ANKS1B: variants seen among roughly 807,000 people sequenced by gnomAD.
ANKS1B encodes ankyrin repeat and sterile alpha motif domain containing 1B, also known as ankyrin repeat and sterile alpha motif domain-containing protein 1B.
In ANKS1B, 36 loss-of-function variants were observed where a neutral mutation model predicts 148.3. The ratio of observed to expected loss-of-function variants is 0.24; its 90% CI spans 0.19 to 0.32. The LOEUF is 0.32. Ranked by LOEUF, ANKS1B falls within the 10% of genes least tolerant of loss-of-function variation. The pLI is 1.00. For missense variants in ANKS1B, 1,157 were observed against 1,542.6 expected, an observed-to-expected ratio of 0.75 and a Z score of 4.19; for synonymous variants, 542 against 560.8, an observed-to-expected ratio of 0.97 and a Z score of 0.47.
At chr12:99,670,959 A>G (rs1440528390) in intron 8 of ANKS1B, among the ~76,000 whole-genome samples, 1 of 152,194 alleles carries the variant, frequency 6.6e-6, no homozygotes, top group Non-Finnish European at 1.5e-5. Flanking sequence ...CAAGTTCAAC[A>G]TTAGTCAAGG....
intron 9 of ANKS1B, among the ~76,000 whole-genome samples, chr12:99,628,728 C>T (rs994175560): frequency 6.6e-6 from 1 of 152,102 alleles, no homozygotes; most frequent in Admixed American, 6.6e-5. Flanking sequence ...TTGTGAGGGC[C>T]TTCTTGCTGT....
At chr12:99,243,433 C>A (rs1338595204) in intron 14 of ANKS1B, among the ~76,000 whole-genome samples, 1 of 152,084 alleles carries the variant, frequency 6.6e-6, no homozygotes, top group Non-Finnish European at 1.5e-5. Flanking sequence ...TTTGTGGGAG[C>A]ATAAATTAGT....
At chr12:98,855,297 T>C (rs1168557285) in intron 17 of ANKS1B, among the ~76,000 whole-genome samples, 1 of 152,228 alleles carries the variant, frequency 6.6e-6, no homozygotes, top group East Asian at 1.9e-4. Flanking sequence ...ATCCTGGCTA[T>C]GCCTGTCAAG....
At chr12:99,620,029 T>C (rs1257609612) in intron 9 of ANKS1B, among the ~76,000 whole-genome samples, 1 of 152,110 alleles carries the variant, frequency 6.6e-6, no homozygotes, top group Admixed American at 6.6e-5. Context: ...CCAGCTACGG[T>C]GGCCTCAGCT....
chr12:98,880,938 C>T (rs912707132), intron 17 of ANKS1B, among the ~76,000 whole-genome samples: 2 of 151,790 alleles, frequency 1.3e-5, no homozygotes, highest in African/African-American at 4.8e-5. Flanking sequence ...TTCTAAATTA[C>T]AAACCGAAAA....
intron 17 of ANKS1B, among the ~76,000 whole-genome samples, chr12:98,948,576 G>C (rs913949823): frequency 6.6e-6 from 1 of 152,154 alleles, no homozygotes; most frequent in Admixed American, 6.5e-5. Context: ...AATTTATGCT[G>C]ATTAACCAAC....
At chr12:99,327,955 G>A (rs1248984083) in intron 12 of ANKS1B, among the ~76,000 whole-genome samples, 1 of 151,624 alleles carries the variant, frequency 6.6e-6, no homozygotes, top group South Asian at 2.1e-4. Flanking sequence ...TGTGTGGTGA[G>A]GCTCCTCCTG....
rs2098609838 is a variant in ANKS1B, at chr12:98,773,024, A to G, written c.3579+18T>C. ...TTCTGCAAAGTCTTTAATCTGTTGAAAGGGGGTGGGTACTCACCACATCAA... is the reference window on the plus strand; with the variant it reads ...TTCTGCAAAGTCTTTAATCTGTTGAGAGGGGGTGGGTACTCACCACATCAA... On this transcript the variant is annotated intron_variant, in intron 25 of 26. Transcript: ENST00000683438. The G allele has an allele frequency of 1.9e-6, 3 of 1,613,732 alleles. No individual in the cohort carries two copies. The highest frequency in any genetic ancestry group is 2.5e-6 in the Non-Finnish European group (3 of 1,179,782).
At position 99,230,799 on chromosome 12, in the gene ANKS1B, G is replaced by A. The variant is rs148761904; in HGVS notation, c.2419+13543C>T. Among the ~76,000 whole-genome samples, 601 of 151,752 alleles carry A rather than the reference G, an allele frequency of 4.0e-3. 4 individuals are homozygous for A. The highest frequency in any genetic ancestry group is 0.014 in the African/African-American group (564 of 41,396). The stretch of plus-strand genomic sequence containing the variant: ...TTACTGAAATTCACATTTTTACATG[G>A]GTATCCTATTATTAAGTGATTCCTT... On this transcript the variant is annotated intron_variant, in intron 14 of 26. Coordinates refer to ENST00000683438, the MANE Select transcript of ANKS1B (RefSeq NM_001352186.2).
intron 1 of ANKS1B, among the ~76,000 whole-genome samples, chr12:99,863,593 T>C (rs2153721134): frequency 6.6e-6 from 1 of 152,048 alleles, no homozygotes; most frequent in Admixed American, 6.6e-5. Context: ...CACACACCTG[T>C]AGTCCCAGCT....
chr12:99,824,827 G>A (rs2082970290), intron 2 of ANKS1B, among the ~76,000 whole-genome samples: 1 of 152,102 alleles, frequency 6.6e-6, no homozygotes, highest in South Asian at 2.1e-4. Flanking sequence ...AAACTAGAAA[G>A]ACAATCATGA....
intron 8 of ANKS1B, among the ~76,000 whole-genome samples, chr12:99,733,553 T>C (rs1216310832): frequency 6.6e-6 from 1 of 152,176 alleles, no homozygotes; most frequent in Non-Finnish European, 1.5e-5. Context: ...ACCCATTTAA[T>C]TATCACAATG....
chr12:99,127,544 T>G (rs1395180332), intron 15 of ANKS1B, among the ~76,000 whole-genome samples: 1 of 152,220 alleles, frequency 6.6e-6, no homozygotes, highest in Non-Finnish European at 1.5e-5. Context: ...ATGTTCGCTT[T>G]AAACACAATA....
At chr12:99,258,908 A>G (rs773840004) in intron 12 of ANKS1B, among the ~76,000 whole-genome samples, 1 of 152,218 alleles carries the variant, frequency 6.6e-6, no homozygotes, top group South Asian at 2.1e-4. Flanking sequence ...AAAGACCAAG[A>G]TTCCATACTA....
intron 4 of ANKS1B, among the ~76,000 whole-genome samples, chr12:99,786,061 C>G (rs940295082): frequency 1.3e-5 from 2 of 151,978 alleles, no homozygotes; most frequent in Admixed American, 6.6e-5. Flanking sequence ...TTGAAATAAT[C>G]TAATTTTGCT....
At chr12:99,948,220 C>T (rs947445366) in intron 1 of ANKS1B, among the ~76,000 whole-genome samples, 1 of 151,812 alleles carries the variant, frequency 6.6e-6, no homozygotes, top group Non-Finnish European at 1.5e-5. Flanking sequence ...TGAAAAAGAT[C>T]CAAAAGCGAA....
intron 1 of ANKS1B, among the ~76,000 whole-genome samples, chr12:99,903,403 G>A (rs1280633024): frequency 6.6e-6 from 1 of 152,158 alleles, no homozygotes; most frequent in Non-Finnish European, 1.5e-5. Context: ...TAGGGACCCT[G>A]TAAGAGTCCA....
chr12:99,506,502 T>C (rs761970305), intron 9 of ANKS1B, among the ~76,000 whole-genome samples: 6 of 151,964 alleles, frequency 3.9e-5, no homozygotes, highest in Non-Finnish European at 8.8e-5. Flanking sequence ...GTAATCAGGA[T>C]GGCATATAAT....
chr12:99,612,167 G>A (rs894855288), intron 9 of ANKS1B, among the ~76,000 whole-genome samples: 52 of 152,042 alleles, frequency 3.4e-4, no homozygotes, highest in African/African-American at 1.1e-3. Context: ...TGACATGTAC[G>A]GGTTCAGAGA....
Sources: allele counts gnomAD v4.1 joint callset (sites outside exome capture counted in the v4.1 genomes callset), GRCh38; gene constraint gnomAD v4.1.1; transcripts MANE v1.5; gene names NCBI Gene and HGNC (gene_info 2026-07-23, HGNC 2026-07-21).